MRPS27: variants seen among roughly 807,000 people sequenced by gnomAD.
MRPS27 encodes small ribosomal subunit protein mS27.
MRPS27 carries 43 observed loss-of-function variants against 48.9 expected under a neutral mutation model. The ratio of observed to expected loss-of-function variants is 0.88; its 90% CI spans 0.69 to 1.13. The LOEUF (loss-of-function observed/expected upper bound fraction) is 1.13, where lower values mean the gene tolerates loss of function less well. Among genes scored for constraint, MRPS27 ranks in the 50% most tolerant of loss-of-function variants. The pLI, the probability that MRPS27 is intolerant of heterozygous loss-of-function variation, is 0.00. For synonymous variants in MRPS27, 188 were observed against 171.9 expected (o/e 1.09, Z -0.73); for missense variants, 467 against 476.3 (o/e 0.98, Z 0.18).
chr5:72,229,978 T>C (rs114400756), intron 7 of MRPS27, among the ~76,000 whole-genome samples: 293 of 152,314 alleles, frequency 1.9e-3, no homozygotes, highest in Middle Eastern at 6.8e-3. Flanking sequence ...CTCAAACTTA[T>C]GGGATCAAGG....
intron 7 of MRPS27, among the ~76,000 whole-genome samples, chr5:72,231,452 T>C (rs1748063269): frequency 6.6e-6 from 1 of 152,186 alleles, no homozygotes; most frequent in Non-Finnish European, 1.5e-5. Flanking sequence ...GCAGTGTTCA[T>C]GATAGTCATA....
At position 72,312,145 on chromosome 5, in the gene MRPS27, A is replaced by G. The variant is rs1750456078; in HGVS notation, c.151+1936T>C. 3.9e-5 allele frequency among the ~76,000 whole-genome samples: 6 copies of G among 152,216 alleles called. No homozygotes were observed. The South Asian group carries it at 1.2e-3, about 32-fold the overall frequency. On this transcript the variant is annotated intron_variant, in intron 2 of 10. Coordinates refer to ENST00000261413, the MANE Select transcript of MRPS27 (RefSeq NM_015084.3). ...TACAGACTCTGTCTCAACAACAATG[A>G]CAATAACAACAACAAAATTATTTCC...
chr5:72,297,636 G>GAT lies in MRPS27; in HGVS notation c.216_217dup (p.Ser73TyrfsTer5), dbSNP rs1750014507. 1 of 1,580,254 alleles carries GAT rather than the reference G, an allele frequency of 6.3e-7. No homozygotes were observed. The highest frequency in any genetic ancestry group is 8.6e-7 in the Non-Finnish European group (1 of 1,156,466). The stretch of plus-strand genomic sequence containing the variant: ...TATATGTTAAAATTTTCTTACCCGT[G>GAT]ATATTGTTAAAGAACTAACAGGCAA... On this transcript the variant is annotated frameshift_variant, in exon 3 of 11. Coordinates refer to ENST00000261413, the MANE Select transcript of MRPS27 (RefSeq NM_015084.3). LOFTEE classifies it high-confidence loss of function.
intron 4 of MRPS27, among the ~76,000 whole-genome samples, chr5:72,256,047 T>C (rs939386151): frequency 6.6e-6 from 1 of 152,238 alleles, no homozygotes; most frequent in Non-Finnish European, 1.5e-5. Flanking sequence ...ATGAAAGCCA[T>C]TGTCTTGTTT....
intron 4 of MRPS27, among the ~76,000 whole-genome samples, chr5:72,265,518 G>A (rs546932554): frequency 6.6e-6 from 1 of 152,344 alleles, no homozygotes; most frequent in South Asian, 2.1e-4. Context: ...TATCTGGCTG[G>A]AAAAGTAGGC....
intron 4 of MRPS27, among the ~76,000 whole-genome samples, chr5:72,272,079 TC>T (rs200527669): frequency 2.0e-4 from 31 of 151,618 alleles, no homozygotes; most frequent in South Asian, 8.3e-4. Flanking sequence ...ACACTGGGAT[TC>T]CCCCCCCATC....
intron 6 of MRPS27, 103 bp downstream of exon 6, chr5:72,234,016 G>C: frequency 8.1e-7 from 1 of 1,232,902 alleles, no homozygotes; most frequent in Non-Finnish European, 1.1e-6. Context: ...GAGTAATGAA[G>C]AGATGTTATT....
At chr5:72,270,088 G>C (rs1277089535) in intron 4 of MRPS27, among the ~76,000 whole-genome samples, 2 of 151,464 alleles carry the variant, frequency 1.3e-5, no homozygotes, top group Non-Finnish European at 2.9e-5. Flanking sequence ...AGCTACTCAG[G>C]AGGCTGAGGC....
intron 4 of MRPS27, among the ~76,000 whole-genome samples, chr5:72,265,385 T>C (rs1749083397): frequency 6.6e-6 from 1 of 152,220 alleles, no homozygotes. Flanking sequence ...AAGGGAATGA[T>C]TCCTCACAGC....
intron 1 of MRPS27, among the ~76,000 whole-genome samples, chr5:72,319,260 T>C (rs548858327): frequency 5.9e-5 from 9 of 152,212 alleles, no homozygotes; most frequent in Non-Finnish European, 1.3e-4. Flanking sequence ...AGGCTTTGAG[T>C]GGGCTGCCAT....
chr5:72,228,779 G>A (rs1449502806), intron 7 of MRPS27: 1 of 157,028 alleles, frequency 6.4e-6, no homozygotes, highest in Non-Finnish European at 1.4e-5. Flanking sequence ...CACTCATACT[G>A]CTGTGGCCTG....
At chr5:72,295,462 T>C (rs544824064) in intron 4 of MRPS27, 69 bp downstream of exon 4, 10 of 1,179,082 alleles carry the variant, frequency 8.5e-6, no homozygotes, top group African/African-American at 1.5e-5. Flanking sequence ...ACACAACATA[T>C]ACCAACTTTT....
intron 4 of MRPS27, among the ~76,000 whole-genome samples, chr5:72,286,231 C>A (rs1284022647): frequency 2.6e-5 from 4 of 151,968 alleles, no homozygotes; most frequent in Admixed American, 6.6e-5. Context: ...CACACATATA[C>A]AAGAGGTGAT....
intron 10 of MRPS27, among the ~76,000 whole-genome samples, chr5:72,223,436 G>A (rs1412747480): frequency 6.6e-6 from 1 of 152,160 alleles, no homozygotes; most frequent in Non-Finnish European, 1.5e-5. Flanking sequence ...GGAATAAGTG[G>A]GTAATGACAT....
At chr5:72,259,465 T>C (rs1223993115) in intron 4 of MRPS27, among the ~76,000 whole-genome samples, 1 of 89,826 alleles carries the variant, frequency 1.1e-5, no homozygotes, top group East Asian at 2.6e-4. Context: ...TGAAACTTCG[T>C]CTCAAAAAAA....
intron 4 of MRPS27, among the ~76,000 whole-genome samples, chr5:72,288,180 T>C (rs1374778297): frequency 6.6e-6 from 1 of 151,616 alleles, no homozygotes; most frequent in Non-Finnish European, 1.5e-5. Flanking sequence ...GGAAGAGAAG[T>C]AGAGTCTGAA....
At chr5:72,290,608 TA>T (rs1749791518) in intron 4 of MRPS27, among the ~76,000 whole-genome samples, 1 of 152,186 alleles carries the variant, frequency 6.6e-6, no homozygotes, top group Non-Finnish European at 1.5e-5. Context: ...TCTGCATCAG[TA>T]AAATAAAGAT....
intron 4 of MRPS27, among the ~76,000 whole-genome samples, chr5:72,239,654 T>G (rs1748299008): frequency 6.6e-6 from 1 of 152,032 alleles, no homozygotes; most frequent in Non-Finnish European, 1.5e-5. Context: ...GTATTCCATG[T>G]TTTCCCTCAT....
At chr5:72,235,474 G>A (rs1205849339) in intron 5 of MRPS27, among the ~76,000 whole-genome samples, 1 of 152,134 alleles carries the variant, frequency 6.6e-6, no homozygotes, top group Non-Finnish European at 1.5e-5. Context: ...ACAACATCAA[G>A]AGTGAACCCT....
Sources: gnomAD v4.1 joint callset for allele counts (sites outside exome capture counted in the v4.1 genomes callset) on GRCh38, gnomAD v4.1.1 for gene constraint, MANE v1.5 for transcripts, NCBI Gene and HGNC (gene_info 2026-07-23, HGNC 2026-07-21) for gene names.